Variants in WDPCP observed in about 807,000 individuals in gnomAD.
The protein encoded by WDPCP is WD repeat-containing and planar cell polarity effector protein fritz homolog.
In WDPCP, 71 loss-of-function variants were observed where a neutral mutation model predicts 93.1. The observed-to-expected ratio is 0.76, with a 90% CI of 0.63 to 0.93. WDPCP has a LOEUF of 0.93. Ranked by LOEUF, WDPCP falls within the 40% of genes least tolerant of loss-of-function variation. WDPCP has a pLI of 0.00. For synonymous variants in WDPCP, 315 were observed against 315.0 expected (o/e 1.00, Z 0.00); for missense variants, 844 against 887.4 (o/e 0.95, Z 0.62).
chr2:63,344,588 C>T (rs1206748823), intron 12 of WDPCP, among the ~76,000 whole-genome samples: 1 of 152,172 alleles, frequency 6.6e-6, no homozygotes, highest in Non-Finnish European at 1.5e-5. Context: ...TCTCCTCATC[C>T]TTTTCTTTCC....
intron 9 of WDPCP, among the ~76,000 whole-genome samples, chr2:63,418,120 A>G (rs1695569300): frequency 6.6e-6 from 1 of 152,210 alleles, no homozygotes; most frequent in Admixed American, 6.5e-5. Flanking sequence ...TAAGAAGGTG[A>G]AAACATCAAA....
At chr2:63,775,253 T>C (rs1416638362) in intron 2 of WDPCP, among the ~76,000 whole-genome samples, 3 of 152,208 alleles carry the variant, frequency 2.0e-5, no homozygotes, top group Non-Finnish European at 4.4e-5. Flanking sequence ...TGCATCAATT[T>C]AGATCAGCAG....
At chr2:63,558,527 C>CAAAAAAAAAAAAA (rs57582852) in intron 1 of WDPCP, among the ~76,000 whole-genome samples, 1 of 143,220 alleles carries the variant, frequency 7.0e-6, no homozygotes, top group African/African-American at 2.5e-5. Context: ...GACTCTGTCT[C>CAAAAAAAAAAAAA]AAAAAAAAAA....
At chr2:63,397,678 A>C (rs900931267) in intron 10 of WDPCP, among the ~76,000 whole-genome samples, 1 of 152,180 alleles carries the variant, frequency 6.6e-6, no homozygotes, top group Non-Finnish European at 1.5e-5. Context: ...AGCAACCATC[A>C]AATGCTGAAA....
intron 17 of WDPCP, among the ~76,000 whole-genome samples, chr2:63,133,626 C>T (rs568356812): frequency 1.3e-5 from 2 of 152,300 alleles, no homozygotes; most frequent in East Asian, 3.9e-4. Context: ...GGCATTTCTC[C>T]TGCTGGCATT....
At chr2:63,333,015 A>T (rs1397375075) in intron 12 of WDPCP, among the ~76,000 whole-genome samples, 1 of 152,158 alleles carries the variant, frequency 6.6e-6, no homozygotes, top group Non-Finnish European at 1.5e-5. Context: ...TTTAGGCTTT[A>T]CCCATTTCAA....
intron 2 of WDPCP, among the ~76,000 whole-genome samples, chr2:63,708,963 G>A (rs1296026963): frequency 1.4e-5 from 2 of 141,252 alleles, no homozygotes; most frequent in South Asian, 2.6e-4. Flanking sequence ...ACTCACGCCT[G>A]TAATCCCAGT....
intron 15 of WDPCP, among the ~76,000 whole-genome samples, chr2:63,163,620 T>A (rs1170393361): frequency 6.6e-6 from 1 of 152,192 alleles, no homozygotes; most frequent in African/African-American, 2.4e-5. Flanking sequence ...ATTAAAAGAC[T>A]GAGATGAATA....
chr2:63,230,516 T>A (rs1308329820), intron 14 of WDPCP, among the ~76,000 whole-genome samples: 1 of 152,104 alleles, frequency 6.6e-6, no homozygotes, highest in South Asian at 2.1e-4. Context: ...CGCCACACTG[T>A]CTTCCACAAT....
intron 3 of WDPCP, chr2:63,595,512 C>T: frequency 6.2e-7 from 1 of 1,602,094 alleles, no homozygotes; most frequent in Non-Finnish European, 8.6e-7. Context: ...CCCTTCCCCT[C>T]CTGAAAGGTG....
intron 14 of WDPCP, among the ~76,000 whole-genome samples, chr2:63,234,512 A>AT (rs1471685279): frequency 6.6e-6 from 1 of 152,224 alleles, no homozygotes; most frequent in East Asian, 1.9e-4. Flanking sequence ...AATGGATGAT[A>AT]TAATAATTTG....
rs544400803 is a variant in WDPCP at position 63,550,228 on chromosome 2, CACACACACA to C, written c.75+37960_75+37968del. ...ACACACACACACACACACACACACA[CACACACACA>C]CACCCTTCCTCTAATTCCAATGACC... On this transcript the variant is annotated intron_variant, in intron 1 of 17. Transcript: ENST00000272321. Among the ~76,000 whole-genome samples the C allele has an allele frequency of 4.2e-4, 62 of 148,800 alleles. 5 individuals carry two copies. The highest frequency in any genetic ancestry group is 2.2e-3 in the East Asian group (11 of 5,000).
At chr2:63,813,985 G>A (rs1357103507) in intron 1 of WDPCP, among the ~76,000 whole-genome samples, 1 of 152,154 alleles carries the variant, frequency 6.6e-6, no homozygotes, top group Non-Finnish European at 1.5e-5. Context: ...AATGTTTGCT[G>A]ATAACTAGTA....
intron 1 of WDPCP, among the ~76,000 whole-genome samples, chr2:63,524,981 C>T (rs1217723592): frequency 2.0e-5 from 3 of 151,998 alleles, no homozygotes; most frequent in Non-Finnish European, 4.4e-5. Context: ...ATAGTAAAGA[C>T]AGAGAATCAA....
chr2:63,623,750 A>G (rs1372627147), intron 3 of WDPCP, among the ~76,000 whole-genome samples: 2 of 152,104 alleles, frequency 1.3e-5, no homozygotes, highest in African/African-American at 2.4e-5. Context: ...AGTCTTTAAC[A>G]CCCCACTGTC....
chr2:63,400,320 C>G (rs1694049008), intron 10 of WDPCP, among the ~76,000 whole-genome samples: 1 of 151,916 alleles, frequency 6.6e-6, no homozygotes, highest in Non-Finnish European at 1.5e-5. Flanking sequence ...ATATAAAACC[C>G]AAAAGTATAG....
intron 3 of WDPCP, chr2:63,622,345 C>A: frequency 6.3e-7 from 1 of 1,599,714 alleles, no homozygotes; most frequent in Non-Finnish European, 8.6e-7. Flanking sequence ...AAGATATATT[C>A]AAAACCCTTC....
chr2:63,403,812 G>A, intron 10 of WDPCP: 2 of 518,422 alleles, frequency 3.9e-6, no homozygotes, highest in South Asian at 4.8e-5. Flanking sequence ...AAAAATTAGG[G>A]CTTTTGAAGC....
intron 14 of WDPCP, 52 bp downstream of exon 14, chr2:63,259,255 T>C: frequency 1.4e-6 from 2 of 1,416,026 alleles, no homozygotes; most frequent in South Asian, 1.1e-5. Flanking sequence ...ATAGAAATGA[T>C]ACTAACTATT....
Sources: allele counts gnomAD v4.1 joint callset (sites outside exome capture counted in the v4.1 genomes callset), GRCh38; gene constraint gnomAD v4.1.1; transcripts MANE v1.5; gene names NCBI Gene and HGNC (gene_info 2026-07-23, HGNC 2026-07-21).